DST: variants seen among roughly 807,000 people sequenced by gnomAD.
DST encodes the protein bullous pemphigoid antigen.
In DST, 253 loss-of-function variants were observed where a neutral mutation model predicts 875.2. The observed-to-expected ratio is 0.29, with a 90% CI of 0.26 to 0.32. The LOEUF (loss-of-function observed/expected upper bound fraction) is 0.32, where lower values mean the gene tolerates loss of function less well. Ranked by LOEUF, DST falls within the 10% of genes least tolerant of loss-of-function variation. The pLI is 1.00. For missense variants in DST, 8,287 were observed against 9,111.6 expected (o/e 0.91, Z 3.68); for synonymous variants, 3,124 against 3,197.1 (o/e 0.98, Z 0.77).
chr6:56,591,828 C>T (rs571766755), intron 49 of DST, among the ~76,000 whole-genome samples: 19 of 151,696 alleles, frequency 1.3e-4, no homozygotes, highest in Admixed American at 7.9e-4. Flanking sequence ...CAAAAATTAG[C>T]GCCTGTAGTC....
In DST at chr6:56,642,685, T is replaced by C. The variant is rs1380710273; in HGVS notation, c.1779-182A>G. 17 of 1,614,184 alleles carry C rather than the reference T, an allele frequency of 1.1e-5. No individual in the cohort carries two copies. The highest frequency in any genetic ancestry group is 1.4e-5 in the Non-Finnish European group (17 of 1,180,006). On this transcript the variant is annotated intron_variant, in intron 15 of 103. Coordinates refer to ENST00000680361, the MANE Select transcript of DST (RefSeq NM_001374736.1). ...AGAGTTGATCAGTGTTGGACCACAA[T>C]GAACCAAGAGAAGATTTTCATTTGA...
intron 9 of DST, among the ~76,000 whole-genome samples, chr6:56,681,619 T>TTGTTAGATC (rs2099157799): frequency 6.6e-6 from 1 of 152,222 alleles, no homozygotes. Flanking sequence ...TTATTGTCTC[T>TTGTTAGATC]TGTTAGATCT....
intron 3 of DST, among the ~76,000 whole-genome samples, chr6:56,895,145 C>T (rs1790544710): frequency 1.2e-5 from 1 of 80,156 alleles, no homozygotes; most frequent in Admixed American, 1.0e-4. Flanking sequence ...GGGAGGCTGG[C>T]CGGGCGGGGG....
At chr6:56,536,336 G>T (rs1243231350) in intron 62 of DST, among the ~76,000 whole-genome samples, 2 of 152,216 alleles carry the variant, frequency 1.3e-5, no homozygotes, top group Admixed American at 1.3e-4. Flanking sequence ...TTTGTATGGT[G>T]TGAACTTAGT....
intron 5 of DST, among the ~76,000 whole-genome samples, chr6:56,713,005 G>A (rs2099382852): frequency 6.6e-6 from 1 of 152,088 alleles, no homozygotes; most frequent in Non-Finnish European, 1.5e-5. Context: ...AGAGCTCCTG[G>A]GACAGATACA....
chr6:56,766,293 T>C (rs2099633173), intron 4 of DST, among the ~76,000 whole-genome samples: 1 of 152,210 alleles, frequency 6.6e-6, no homozygotes, highest in South Asian at 2.1e-4. Flanking sequence ...TTCCACATCA[T>C]GAATGTGACC....
In DST at chr6:56,640,180, A is replaced by C. The variant is rs148660694; in HGVS notation, c.2453T>G (p.Phe818Cys). Residue 818 changes from phenylalanine to cysteine, a missense_variant, in exon 18 of 104, where the codon TTT (phenylalanine) becomes TGT (cysteine). Transcript: ENST00000680361. ...AACCCAATTCAAAAGATCCTGAACAAATTTCATATTGATTTCTTCTTCTGT... is the reference window on the plus strand; with the variant it reads ...AACCCAATTCAAAAGATCCTGAACACATTTCATATTGATTTCTTCTTCTGT... ...NLTEEEINMK[F>C]VQDLLNWVDE... 2.5e-6 allele frequency: 4 copies of C among 1,614,032 alleles called. No homozygotes were observed. In the African/African-American group the frequency reaches 5.3e-5, roughly 22 times the overall value.
At position 56,672,924 on chromosome 6, in the gene DST, G is replaced by T. The variant is rs978198681; in HGVS notation, c.1048-2117C>A. Among the ~76,000 whole-genome samples the T allele has an allele frequency of 2.6e-5, 4 of 152,074 alleles. No individual in the cohort carries two copies. In the East Asian group the frequency reaches 5.8e-4, roughly 22 times the overall value. On this transcript the variant is annotated intron_variant, in intron 9 of 103. Coordinates refer to ENST00000680361, the MANE Select transcript of DST (RefSeq NM_001374736.1). ...CTTAAACTAATGAAAATCTACGATC[G>T]CAACGGTTCAGAGAAGCTAATCTAG...
chr6:56,498,496 A>G (rs2095999234), intron 80 of DST, among the ~76,000 whole-genome samples: 1 of 152,182 alleles, frequency 6.6e-6, no homozygotes, highest in Non-Finnish European at 1.5e-5. Flanking sequence ...GTGTGAGAAC[A>G]GTTTGCTAGT....
intron 2 of DST, among the ~76,000 whole-genome samples, chr6:56,947,844 GGT>G (rs1820417765): frequency 1.3e-5 from 2 of 151,144 alleles, no homozygotes; most frequent in African/African-American, 4.9e-5. Flanking sequence ...AATCTACTCA[GGT>G]ACAGTGGACC....
intron 4 of DST, among the ~76,000 whole-genome samples, chr6:56,760,926 C>T (rs968004547): frequency 6.6e-5 from 10 of 152,230 alleles, no homozygotes; most frequent in African/African-American, 2.4e-4. Flanking sequence ...CATGTCCATA[C>T]ATGGAAACTT....
At chr6:56,924,251 C>T (rs1162818881) in intron 2 of DST, among the ~76,000 whole-genome samples, 1 of 152,100 alleles carries the variant, frequency 6.6e-6, no homozygotes, top group Non-Finnish European at 1.5e-5. Flanking sequence ...ATGGTATAAA[C>T]ACTCCCATCA....
chr6:56,894,940 C>T (rs1430971039), intron 3 of DST, among the ~76,000 whole-genome samples: 6 of 71,988 alleles, frequency 8.3e-5, no homozygotes, highest in Admixed American at 2.1e-4. Flanking sequence ...CGGGCAGAGG[C>T]GCCCCTCACC....
Position 56,561,524 on chromosome 6 carries a change from C to T in DST, c.14094G>A (p.Met4698Ile). The T allele has an allele frequency of 6.2e-7, 1 of 1,613,268 alleles. No homozygotes were observed. The highest frequency in any genetic ancestry group is 8.5e-7 in the Non-Finnish European group (1 of 1,179,556). ...NKGLTSIKKD[M>I]TDISHGYEDL... ...CTTCATAACCATGACTTATGTCAGT[C>T]ATGTCCTTTTTAATGGATGTTAAAC... Residue 4698 changes from methionine to isoleucine, a missense_variant, in exon 57 of 104, where the codon ATG (methionine) becomes ATA (isoleucine). Around this residue, in one of 10 missense-constraint regions of DST, gnomAD observed 1,513 missense variants for 1,677.8 expected, o/e 0.90. Coordinates refer to ENST00000680361, the MANE Select transcript of DST (RefSeq NM_001374736.1).
chr6:56,497,495 G>A lies in DST; in HGVS notation c.20107C>T (p.His6703Tyr), dbSNP rs1464061736. ...TGCTGCAAATCCTCAATTTCGCCAT[G>A]GAACCCTTTGGCCTGAAGTAATAGG... ...DGALRQAKGF[H>Y]GEIEDLQQWL... The change falls in exon 82 of 104, where the codon CAT becomes TAT. Residue 6703 changes from histidine (H) to tyrosine (Y), a missense_variant. By Grantham distance (83) the His-to-Tyr change is moderately conservative. Transcript: ENST00000680361. 6.2e-7 allele frequency: 1 copy of A among 1,612,692 alleles called. No individual in the cohort carries two copies. Among genetic ancestry groups the A allele is most frequent in the African/African-American group, 1.3e-5 (1 of 74,848 alleles).
At chr6:56,565,525 T>G (rs1451090097) in intron 55 of DST, among the ~76,000 whole-genome samples, 1 of 152,130 alleles carries the variant, frequency 6.6e-6, no homozygotes, top group African/African-American at 2.4e-5. Context: ...GGTCCTGGGC[T>G]TTTTTTGGTT....
intron 4 of DST, among the ~76,000 whole-genome samples, chr6:56,789,044 A>G (rs2099710597): frequency 6.6e-6 from 1 of 152,242 alleles, no homozygotes; most frequent in Admixed American, 6.5e-5. Context: ...AAATATTTGT[A>G]TTTTATAACC....
intron 8 of DST, among the ~76,000 whole-genome samples, chr6:56,700,951 T>C (rs2099299894): frequency 6.6e-6 from 1 of 150,936 alleles, no homozygotes; most frequent in Non-Finnish European, 1.5e-5. Context: ...AGCTAGTGTT[T>C]ACCTCTCCCT....
chr6:56,654,586 C>A (rs573640695), intron 10 of DST, among the ~76,000 whole-genome samples: 8 of 133,324 alleles, frequency 6.0e-5, no homozygotes, highest in South Asian at 2.2e-4. Context: ...CTCCCCTAGG[C>A]TATATATATA....
Sources: allele counts gnomAD v4.1 joint callset (sites outside exome capture counted in the v4.1 genomes callset), GRCh38; gene constraint gnomAD v4.1.1; regional missense constraint gnomAD v4.1.1; transcripts MANE v1.5; gene names NCBI Gene and HGNC (gene_info 2026-07-23, HGNC 2026-07-21).